The following MLLT3 variants were observed in gnomAD, a reference collection of about 807,000 sequenced individuals.
MLLT3 encodes MLLT3 super elongation complex subunit, also known as protein AF-9.
Under a neutral mutation model 53.2 loss-of-function variants are expected in MLLT3, and 4 were observed. The ratio of observed to expected loss-of-function variants is 0.08; its 90% CI spans 0.04 to 0.17. The LOEUF is 0.17. MLLT3 is among the 10% of genes least tolerant of loss of function. The probability of loss-of-function intolerance (pLI) is 1.00; values close to 1 mark genes in which losing one functional copy is unlikely to be tolerated. For synonymous variants in MLLT3, 283 were observed against 230.6 expected (o/e 1.23, Z -2.06); for missense variants, 569 against 684.0 (o/e 0.83, Z 1.87).
At chr9:20,440,362 C>T (rs1349953204) in intron 4 of MLLT3, among the ~76,000 whole-genome samples, 1 of 152,094 alleles carries the variant, frequency 6.6e-6, no homozygotes, top group Non-Finnish European at 1.5e-5. Context: ...ATGCCTACTT[C>T]GAGTCTCAGA....
intron 2 of MLLT3, among the ~76,000 whole-genome samples, chr9:20,475,134 A>G (rs968694774): frequency 6.6e-6 from 1 of 152,086 alleles, no homozygotes; most frequent in Non-Finnish European, 1.5e-5. Flanking sequence ...TTTAAAGGTC[A>G]GTGTGATTTA....
chr9:20,563,633 C>T (rs1258199688), intron 2 of MLLT3, among the ~76,000 whole-genome samples: 2 of 152,060 alleles, frequency 1.3e-5, no homozygotes, highest in African/African-American at 4.8e-5. Flanking sequence ...CTCTTACAAT[C>T]CTAAAGCCTC....
chr9:20,566,366 C>T (rs1006341273), intron 2 of MLLT3, among the ~76,000 whole-genome samples: 1 of 151,916 alleles, frequency 6.6e-6, no homozygotes, highest in African/African-American at 2.4e-5. Flanking sequence ...ACTTATTGTA[C>T]CTATCACAAT....
chr9:20,448,080 T>G lies in MLLT3; in HGVS notation c.420+43A>C, dbSNP rs1246908452. 6.3e-7 allele frequency: 1 copy of G among 1,574,924 alleles called. No individual in the cohort carries two copies. Among genetic ancestry groups the G allele is most frequent in the South Asian group, 1.2e-5 (1 of 83,830 alleles). On this transcript the variant is annotated intron_variant, in intron 4 of 10. Coordinates refer to ENST00000380338, the MANE Select transcript of MLLT3 (RefSeq NM_004529.4). This position sits in a 1 kb window ranked among gnomAD's most constrained non-coding sequence, Gnocchi z 4.0. ...TGTTTGTTTTTTTTTTTGTTGTTGT[T>G]GTTTTTTAATAGGAATGCTTTTCAC...
chr9:20,472,669 G>C (rs988183368), intron 2 of MLLT3, among the ~76,000 whole-genome samples: 1 of 152,018 alleles, frequency 6.6e-6, no homozygotes, highest in African/African-American at 2.4e-5. Context: ...TGAAGAAACA[G>C]TTCTTGTTAA....
intron 2 of MLLT3, among the ~76,000 whole-genome samples, chr9:20,587,382 A>G (rs1819999788): frequency 6.6e-6 from 1 of 152,188 alleles, no homozygotes; most frequent in Non-Finnish European, 1.5e-5. Context: ...AAGAAAGCAG[A>G]CACTCTTGGA....
At chr9:20,550,412 C>T (rs1421914097) in intron 2 of MLLT3, among the ~76,000 whole-genome samples, 2 of 151,746 alleles carry the variant, frequency 1.3e-5, no homozygotes, top group Non-Finnish European at 2.9e-5. Flanking sequence ...TGGTGCCATT[C>T]GTTTCACTGT....
At chr9:20,506,462 A>G (rs1825383916) in intron 2 of MLLT3, among the ~76,000 whole-genome samples, 1 of 151,980 alleles carries the variant, frequency 6.6e-6, no homozygotes, top group Non-Finnish European at 1.5e-5. Context: ...ACCGTCAAGT[A>G]AATGCTTTTT....
chr9:20,560,289 T>C lies in MLLT3; in HGVS notation c.193+60365A>G, dbSNP rs570277749. On this transcript the variant is annotated intron_variant, in intron 2 of 10. Coordinates refer to ENST00000380338, the MANE Select transcript of MLLT3 (RefSeq NM_004529.4). ...TCAATACATGCAAACAGAAGGTATG[T>C]AGTCATTTTTAAAAGAAGGAGGCAA... 2.0e-5 allele frequency among the ~76,000 whole-genome samples: 3 copies of C among 152,292 alleles called. No homozygotes were observed. In the East Asian group the frequency reaches 5.8e-4, roughly 29 times the overall value.
intron 2 of MLLT3, among the ~76,000 whole-genome samples, chr9:20,473,630 A>C (rs1824450119): frequency 6.6e-6 from 1 of 152,106 alleles, no homozygotes; most frequent in African/African-American, 2.4e-5. Context: ...TCCAATATTC[A>C]AGCTTAATCC....
At chr9:20,464,812 G>C (rs1824195023) in intron 2 of MLLT3, among the ~76,000 whole-genome samples, 1 of 152,014 alleles carries the variant, frequency 6.6e-6, no homozygotes, top group South Asian at 2.1e-4. Flanking sequence ...GTATAACTGA[G>C]GTGAAAGCCA....
intron 2 of MLLT3, among the ~76,000 whole-genome samples, chr9:20,488,793 T>A (rs1483216507): frequency 1.3e-5 from 2 of 152,154 alleles, no homozygotes; most frequent in African/African-American, 2.4e-5. Context: ...TACTGCCAGA[T>A]AAGGCTGTAA....
intron 4 of MLLT3, among the ~76,000 whole-genome samples, chr9:20,428,888 T>G (rs1823198220): frequency 6.6e-6 from 1 of 151,990 alleles, no homozygotes; most frequent in African/African-American, 2.4e-5. Context: ...AAAGCAAACC[T>G]TGGGAAAAAT....
intron 7 of MLLT3, 63 bp downstream of exon 7, chr9:20,363,413 A>AG (rs1821373030): frequency 6.3e-7 from 1 of 1,594,988 alleles, no homozygotes; most frequent in Admixed American, 1.7e-5. Context: ...TGATTATCCC[A>AG]GCAGGGCTTG....
intron 10 of MLLT3, among the ~76,000 whole-genome samples, chr9:20,352,535 C>T (rs1020369188): frequency 6.6e-6 from 1 of 152,126 alleles, no homozygotes; most frequent in African/African-American, 2.4e-5. Context: ...AGAAATGCAA[C>T]TTATCTGCAA....
intron 2 of MLLT3, among the ~76,000 whole-genome samples, chr9:20,465,885 G>A (rs1824226303): frequency 6.6e-6 from 1 of 152,092 alleles, no homozygotes; most frequent in Non-Finnish European, 1.5e-5. Context: ...AGTTTATACA[G>A]GGTACATATA....
At chr9:20,427,079 C>T (rs908587844) in intron 4 of MLLT3, among the ~76,000 whole-genome samples, 1 of 151,964 alleles carries the variant, frequency 6.6e-6, no homozygotes, top group Non-Finnish European at 1.5e-5. Context: ...AAATCAAATA[C>T]GAATTCGCGA....
chr9:20,578,293 T>C (rs1471012371), intron 2 of MLLT3, among the ~76,000 whole-genome samples: 2 of 152,218 alleles, frequency 1.3e-5, no homozygotes, highest in Non-Finnish European at 2.9e-5. Context: ...TATTAAAATT[T>C]TGAATCACTC....
At chr9:20,549,103 T>A (rs1318373035) in intron 2 of MLLT3, among the ~76,000 whole-genome samples, 1 of 152,146 alleles carries the variant, frequency 6.6e-6, no homozygotes, top group East Asian at 1.9e-4. Context: ...GCATTAGCCA[T>A]CACGCCCTGC....
Sources: allele counts gnomAD v4.1 joint callset (sites outside exome capture counted in the v4.1 genomes callset), GRCh38; gene constraint gnomAD v4.1.1; non-coding constraint Gnocchi (gnomAD v3.1); transcripts MANE v1.5; gene names NCBI Gene and HGNC (gene_info 2026-07-23, HGNC 2026-07-21).